SLC4A10: variants seen among roughly 807,000 people sequenced by gnomAD.
SLC4A10 encodes solute carrier family 4 member 10.
Under a neutral mutation model 137.7 loss-of-function variants are expected in SLC4A10, and 42 were observed. That is an observed-to-expected ratio of 0.30 (90% CI 0.24 to 0.39). The LOEUF (loss-of-function observed/expected upper bound fraction) is 0.39. Among genes scored for constraint, SLC4A10 ranks in the 10% least tolerant of loss-of-function variants. The pLI is 1.00. For missense variants in SLC4A10, 925 were observed against 1,355.0 expected (o/e 0.68, Z 4.98); for synonymous variants, 474 against 464.1 (o/e 1.02, Z -0.27).
intron 6 of SLC4A10, among the ~76,000 whole-genome samples, chr2:161,867,362 C>T (rs2060824946): frequency 1.3e-5 from 2 of 151,702 alleles, no homozygotes; most frequent in South Asian, 4.2e-4. Context: ...AAAATTTATC[C>T]CTCATAATGT....
chr2:161,877,272 T>C (rs571113396), intron 8 of SLC4A10, among the ~76,000 whole-genome samples: 2 of 152,212 alleles, frequency 1.3e-5, no homozygotes, highest in South Asian at 4.1e-4. Context: ...GTATTATCAA[T>C]ATAATTCATA....
At chr2:161,822,162 C>T (rs2057679888) in intron 3 of SLC4A10, among the ~76,000 whole-genome samples, 1 of 152,086 alleles carries the variant, frequency 6.6e-6, no homozygotes, top group Non-Finnish European at 1.5e-5. Context: ...TAAAAGGAAA[C>T]ACTAATAAGC....
chr2:161,950,009 C>T (rs2105815340), intron 18 of SLC4A10, among the ~76,000 whole-genome samples: 1 of 151,874 alleles, frequency 6.6e-6, no homozygotes, highest in South Asian at 2.1e-4. Flanking sequence ...GGGCTGGGGA[C>T]TTCTATATAG....
chr2:161,653,678 G>A (rs914864614), intron 1 of SLC4A10, among the ~76,000 whole-genome samples: 17 of 152,238 alleles, frequency 1.1e-4, no homozygotes, highest in East Asian at 3.9e-4. Context: ...TTCACTTAGC[G>A]TAATGTCCTC....
intron 2 of SLC4A10, among the ~76,000 whole-genome samples, chr2:161,789,098 T>G (rs1176440796): frequency 1.3e-5 from 2 of 152,100 alleles, no homozygotes; most frequent in Admixed American, 6.5e-5. Context: ...CCACAATGAG[T>G]GCACAACCAG....
intron 3 of SLC4A10, among the ~76,000 whole-genome samples, chr2:161,811,222 G>A (rs2056521858): frequency 6.6e-6 from 1 of 151,800 alleles, no homozygotes; most frequent in Non-Finnish European, 1.5e-5. Context: ...AATGTCATTT[G>A]TCATTTTTGA....
chr2:161,870,596 T>C (rs1264762267), intron 6 of SLC4A10, among the ~76,000 whole-genome samples: 1 of 151,872 alleles, frequency 6.6e-6, no homozygotes, highest in Non-Finnish European at 1.5e-5. Flanking sequence ...GTGAAACTGG[T>C]GATTGAAGAC....
chr2:161,719,939 G>A (rs530099540), intron 1 of SLC4A10, among the ~76,000 whole-genome samples: 663 of 152,178 alleles, frequency 4.4e-3, no homozygotes, highest in Non-Finnish European at 7.4e-3. Context: ...TTGCCATTGC[G>A]TTTGGTGTTT....
intron 15 of SLC4A10, among the ~76,000 whole-genome samples, chr2:161,916,196 T>C (rs1275708319): frequency 2.6e-5 from 4 of 152,184 alleles, no homozygotes; most frequent in African/African-American, 9.7e-5. Context: ...TGAATAAATG[T>C]TTGTATTTTA....
At chr2:161,659,092 G>C (rs952575433) in intron 1 of SLC4A10, among the ~76,000 whole-genome samples, 2 of 152,062 alleles carry the variant, frequency 1.3e-5, no homozygotes, top group Non-Finnish European at 2.9e-5. Flanking sequence ...TATAAAAAAG[G>C]TACCTTCATT....
chr2:161,845,982 A>C (rs2125818641), intron 4 of SLC4A10, among the ~76,000 whole-genome samples: 1 of 152,268 alleles, frequency 6.6e-6, no homozygotes, highest in African/African-American at 2.4e-5. Context: ...TATAGATTGA[A>C]CTTTACCAAA....
At chr2:161,905,577 C>T (rs1684172467) in intron 14 of SLC4A10, 65 bp from the exon 15 acceptor site, 8 of 1,519,440 alleles carry the variant, frequency 5.3e-6, no homozygotes, top group Non-Finnish European at 7.0e-6. Flanking sequence ...TTTTCATTTG[C>T]TTAAAATGAT....
At chr2:161,792,919 A>G (rs940833309) in intron 2 of SLC4A10, among the ~76,000 whole-genome samples, 3 of 152,106 alleles carry the variant, frequency 2.0e-5, no homozygotes, top group African/African-American at 4.8e-5. Flanking sequence ...TAAAATATCA[A>G]TTGATATAAA....
At position 161,964,953 on chromosome 2, in the gene SLC4A10, C is replaced by G; in HGVS notation, c.3037-98C>G. Reference sequence around the variant, plus strand: ...CTTTAATTTTTACTTTAATCTCAGGCCTAATAGAAATTGTTTCTACCAAAA... The same window carrying G: ...CTTTAATTTTTACTTTAATCTCAGGGCTAATAGAAATTGTTTCTACCAAAA... On this transcript the variant is annotated intron_variant, in intron 22 of 26. Coordinates refer to ENST00000446997, the MANE Select transcript of SLC4A10 (RefSeq NM_001178015.2). The G allele has an allele frequency of 7.6e-6, 8 of 1,049,568 alleles. 1 individual carries two copies. In the South Asian group the frequency reaches 1.4e-4, roughly 18 times the overall value. The allele number at this position is 1,049,568 out of a possible 1,614,324, so 65.0% of individuals were successfully genotyped here.
rs140931146 is a variant in SLC4A10, at chr2:161,964,812, A to G, written c.3037-239A>G. Among the ~76,000 whole-genome samples, 302 of 152,258 alleles carry G rather than the reference A, an allele frequency of 2.0e-3. 1 individual carries two copies. In the East Asian group the frequency reaches 0.021, roughly 10 times the overall value. On this transcript the variant is annotated intron_variant, in intron 22 of 26. Transcript: ENST00000446997. ...AAATACATTTTATAGGTTTTTTAAA[A>G]TAGCTTATTTAATAGACTCCCATAT... is the stretch of plus-strand genomic sequence containing the variant.
chr2:161,656,528 A>G (rs1358681764), intron 1 of SLC4A10, among the ~76,000 whole-genome samples: 1 of 152,202 alleles, frequency 6.6e-6, no homozygotes, highest in African/African-American at 2.4e-5. Context: ...TATTAAAACA[A>G]ATGTGATCAC....
intron 1 of SLC4A10, among the ~76,000 whole-genome samples, chr2:161,679,181 G>A (rs1190399009): frequency 6.6e-6 from 1 of 151,974 alleles, no homozygotes; most frequent in African/African-American, 2.4e-5. Context: ...TTATGTACAG[G>A]GGAAATTTAA....
chr2:161,678,739 CA>C (rs1310734604), intron 1 of SLC4A10, among the ~76,000 whole-genome samples: 2 of 152,084 alleles, frequency 1.3e-5, no homozygotes, highest in African/African-American at 2.4e-5. Flanking sequence ...TAGTGTCTGA[CA>C]TTTTTTGCAT....
At chr2:161,740,416 T>A (rs2047765745) in intron 1 of SLC4A10, among the ~76,000 whole-genome samples, 1 of 152,206 alleles carries the variant, frequency 6.6e-6, no homozygotes, top group African/African-American at 2.4e-5. Context: ...TTCTGGGCAC[T>A]GTCATTCCCA....
Sources: gnomAD v4.1 joint callset for allele counts (sites outside exome capture counted in the v4.1 genomes callset) on GRCh38, gnomAD v4.1.1 for gene constraint, MANE v1.5 for transcripts, NCBI Gene and HGNC (gene_info 2026-07-23, HGNC 2026-07-21) for gene names.